ADAMTSL1: variants seen among roughly 807,000 people sequenced by gnomAD.
ADAMTSL1 encodes the protein ADAMTS like 1, also known as ADAMTS-like protein 1.
In ADAMTSL1, 126 loss-of-function variants were observed where a neutral mutation model predicts 201.8. That is an observed-to-expected ratio of 0.62 (90% CI 0.54 to 0.72). The LOEUF (loss-of-function observed/expected upper bound fraction) is 0.72. ADAMTSL1 is among the 30% of genes least tolerant of loss of function. The pLI, the probability that ADAMTSL1 is intolerant of heterozygous loss-of-function variation, is 0.00. For synonymous variants in ADAMTSL1, 1,121 were observed against 903.4 expected (o/e 1.24, Z -4.32); for missense variants, 2,679 against 2,277.8 (o/e 1.18, Z -3.59).
intron 1 of ADAMTSL1, among the ~76,000 whole-genome samples, chr9:17,941,879 C>G (rs116825597): frequency 7.3e-4 from 111 of 152,190 alleles, no homozygotes; most frequent in African/African-American, 2.5e-3. Flanking sequence ...TCATAGAAGG[C>G]TGGCTTCTCT....
intron 12 of ADAMTSL1, among the ~76,000 whole-genome samples, chr9:18,682,929 A>G (rs1830594150): frequency 6.6e-6 from 1 of 152,204 alleles, no homozygotes; most frequent in South Asian, 2.1e-4. Context: ...TGGGTGTAAT[A>G]ATAGTATCTA....
At chr9:17,927,146 T>C (rs1188299214) in intron 1 of ADAMTSL1, among the ~76,000 whole-genome samples, 4 of 152,234 alleles carry the variant, frequency 2.6e-5, no homozygotes, top group East Asian at 1.9e-4. Context: ...TAAGTTGGAA[T>C]CACACAGTAT....
intron 2 of ADAMTSL1, among the ~76,000 whole-genome samples, chr9:18,213,504 T>C (rs896202476): frequency 6.6e-6 from 1 of 152,198 alleles, no homozygotes; most frequent in African/African-American, 2.4e-5. Context: ...GAAAAGGTGA[T>C]TGAGCCTGGG....
intron 1 of ADAMTSL1, among the ~76,000 whole-genome samples, chr9:18,098,382 T>C (rs983342290): frequency 3.9e-5 from 6 of 152,214 alleles, no homozygotes; most frequent in African/African-American, 1.4e-4. Flanking sequence ...GTGGACATGA[T>C]ATATCTTTTT....
intron 23 of ADAMTSL1, among the ~76,000 whole-genome samples, chr9:18,843,196 T>A (rs568089007): frequency 0.039 from 5,836 of 150,954 alleles, 196 homozygotes; most frequent in South Asian, 0.092. Flanking sequence ...CCATGTTTAG[T>A]GCTTCCTTCA....
intron 26 of ADAMTSL1, among the ~76,000 whole-genome samples, chr9:18,903,526 C>T (rs1037498866): frequency 6.6e-6 from 1 of 152,136 alleles, no homozygotes; most frequent in Non-Finnish European, 1.5e-5. Context: ...CACGTGTATA[C>T]AGGACTAGCT....
intron 1 of ADAMTSL1, among the ~76,000 whole-genome samples, chr9:18,058,627 C>G (rs1388891082): frequency 1.3e-5 from 2 of 151,950 alleles, no homozygotes; most frequent in African/African-American, 4.8e-5. Context: ...ATAAGAAAAA[C>G]TGTAAAATCC....
Position 18,535,631 on chromosome 9 carries a change from A to G in ADAMTSL1, c.237+2339A>G, listed in dbSNP as rs1270460337. ...ATGCTGCTTTAAGAACATATGCAAC[A>G]CTGGGTAATTTGGAAAAAAGAGATT... On this transcript the variant is annotated intron_variant, in intron 3 of 28. Transcript: ENST00000380548. 3.9e-5 allele frequency among the ~76,000 whole-genome samples: 6 copies of G among 152,254 alleles called. No individual in the cohort carries two copies. The South Asian group carries it at 1.0e-3, about 26-fold the overall frequency.
intron 2 of ADAMTSL1, among the ~76,000 whole-genome samples, chr9:18,210,491 ATAT>A (rs1201830242): frequency 3.4e-5 from 5 of 147,408 alleles, no homozygotes; most frequent in Non-Finnish European, 7.5e-5. Flanking sequence ...AAATAAATAT[ATAT>A]TAATTATATA....
intron 1 of ADAMTSL1, among the ~76,000 whole-genome samples, chr9:18,147,502 G>T (rs1039195567): frequency 9.9e-5 from 15 of 152,040 alleles, no homozygotes; most frequent in Admixed American, 2.6e-4. Flanking sequence ...TTGCATTATT[G>T]CAGAATGGGT....
chr9:18,718,777 G>C (rs1018618837), intron 14 of ADAMTSL1, among the ~76,000 whole-genome samples: 2 of 152,186 alleles, frequency 1.3e-5, no homozygotes, highest in Non-Finnish European at 2.9e-5. Context: ...ACACACACCT[G>C]ATCCAGTCAC....
chr9:18,202,902 C>G (rs1313525641), intron 2 of ADAMTSL1, among the ~76,000 whole-genome samples: 1 of 152,068 alleles, frequency 6.6e-6, no homozygotes, highest in Non-Finnish European at 1.5e-5. Context: ...TTCCAGAGTG[C>G]TCTTTCCAGA....
intron 15 of ADAMTSL1, among the ~76,000 whole-genome samples, chr9:18,751,159 C>T (rs1325171667): frequency 6.6e-6 from 1 of 152,162 alleles, no homozygotes; most frequent in Non-Finnish European, 1.5e-5. Flanking sequence ...AATAACACCA[C>T]AATGTTTTAA....
At chr9:18,772,555 C>G (rs971224903) in intron 17 of ADAMTSL1, among the ~76,000 whole-genome samples, 6 of 152,150 alleles carry the variant, frequency 3.9e-5, no homozygotes, top group Non-Finnish European at 8.8e-5. Context: ...GGCTGTATAA[C>G]CTTGGGCTAA....
intron 15 of ADAMTSL1, among the ~76,000 whole-genome samples, chr9:18,735,277 A>G (rs1243679593): frequency 6.6e-6 from 1 of 152,122 alleles, no homozygotes; most frequent in African/African-American, 2.4e-5. Context: ...TCAGCAGTAA[A>G]CTCAAGAACT....
chr9:18,353,685 T>G (rs1242932674), intron 2 of ADAMTSL1, among the ~76,000 whole-genome samples: 1 of 152,170 alleles, frequency 6.6e-6, no homozygotes, highest in Non-Finnish European at 1.5e-5. Flanking sequence ...AATTTCTATA[T>G]TGCTCCACCA....
intron 20 of ADAMTSL1, among the ~76,000 whole-genome samples, chr9:18,804,983 A>C (rs574345646): frequency 2.6e-5 from 4 of 152,358 alleles, no homozygotes; most frequent in African/African-American, 7.2e-5. Context: ...CTTATACTGT[A>C]CTCAAATATT....
chr9:18,559,570 T>C (rs1377932917), intron 3 of ADAMTSL1, among the ~76,000 whole-genome samples: 1 of 152,242 alleles, frequency 6.6e-6, no homozygotes, highest in Non-Finnish European at 1.5e-5. Context: ...TTGATGGCGA[T>C]AGCATTGAAT....
chr9:18,681,750 A>C, intron 11 of ADAMTSL1, 62 bp from the exon 12 acceptor site: 1 of 1,332,848 alleles, frequency 7.5e-7, no homozygotes. Context: ...TTCGATGGGA[A>C]GTGAAGAAAA....
Sources: allele counts gnomAD v4.1 joint callset (sites outside exome capture counted in the v4.1 genomes callset), GRCh38; gene constraint gnomAD v4.1.1; transcripts MANE v1.5; gene names NCBI Gene and HGNC (gene_info 2026-07-23, HGNC 2026-07-21).